Variants in MYO5C observed in about 807,000 individuals in gnomAD.
MYO5C encodes the protein myosin VC, also known as unconventional myosin-Vc.
In MYO5C, 194 loss-of-function variants were observed where a neutral mutation model predicts 235.7. The ratio of observed to expected loss-of-function variants is 0.82; its 90% CI spans 0.73 to 0.93. The LOEUF is 0.93. Among genes scored for constraint, MYO5C ranks in the 40% least tolerant of loss-of-function variants. The pLI, the probability that MYO5C is intolerant of heterozygous loss-of-function variation, is 0.00. For synonymous variants in MYO5C, 707 were observed against 754.8 expected (o/e 0.94, Z 1.04); for missense variants, 2,038 against 2,127.2 (o/e 0.96, Z 0.82).
At chr15:52,242,435 G>A in intron 19 of MYO5C, 1 of 508,038 alleles carries the variant, frequency 2.0e-6, no homozygotes, top group Non-Finnish European at 3.5e-6. Flanking sequence ...TTTTCATTCA[G>A]GCCAGTCGAT....
At chr15:52,242,026 T>C (rs1331850809) in intron 20 of MYO5C, 22 bp downstream of exon 20, 2 of 1,596,200 alleles carry the variant, frequency 1.3e-6, no homozygotes, top group Non-Finnish European at 8.5e-7. Context: ...CCTCCCTTCC[T>C]CTAGACAGAG....
chr15:52,284,693 T>C (rs1258123003), intron 1 of MYO5C, among the ~76,000 whole-genome samples: 2 of 152,154 alleles, frequency 1.3e-5, no homozygotes, highest in Non-Finnish European at 1.5e-5. Flanking sequence ...TACTCAAAGA[T>C]GCTTCAAAAA....
In MYO5C at chr15:52,269,850, T is replaced by C. The variant is rs2036883209; in HGVS notation, c.843A>G (p.Glu281=). ...CTCCCATTCTTGTATAATTAAATTC[T>C]TCGGCACTCCCTGAAATCAAAAAGT... is the stretch of plus-strand genomic sequence containing the variant. The part of the protein sequence containing the change: ...EFKHLKLGSA[E]EFNYTRMGGN... Residue 281 remains glutamate, a synonymous_variant, in exon 8 of 41, where the codon GAA becomes GAG. Transcript: ENST00000261839. 1.2e-6 allele frequency: 2 copies of C among 1,610,710 alleles called. No individual in the cohort carries two copies. Among genetic ancestry groups the C allele is most frequent in the African/African-American group, 1.3e-5 (1 of 74,828 alleles).
At chr15:52,250,399 C>G (rs531362640) in intron 13 of MYO5C, among the ~76,000 whole-genome samples, 1 of 151,872 alleles carries the variant, frequency 6.6e-6, no homozygotes, top group Non-Finnish European at 1.5e-5. Context: ...CGTGCCACCA[C>G]GCCTGGCTTA....
At chr15:52,295,393 G>A (rs999244798) in intron 1 of MYO5C, among the ~76,000 whole-genome samples, 9 of 152,172 alleles carry the variant, frequency 5.9e-5, no homozygotes, top group Admixed American at 5.9e-4. Context: ...CGCGGGCAGG[G>A]ACGGAGCACG....
At chr15:52,246,692 G>T (rs1028162648) in intron 16 of MYO5C, among the ~76,000 whole-genome samples, 7 of 152,138 alleles carry the variant, frequency 4.6e-5, no homozygotes, top group Admixed American at 3.3e-4. Flanking sequence ...AACTTTAGTT[G>T]TAGAAGATTC....
chr15:52,248,836 C>G (rs1370335068), intron 13 of MYO5C, 53 bp from the exon 14 acceptor site: 38 of 1,208,018 alleles, frequency 3.1e-5, no homozygotes, highest in Non-Finnish European at 4.6e-5. Context: ...AATATAGCCT[C>G]TAAGCACAAG....
chr15:52,238,675 T>C (rs1220226411), intron 21 of MYO5C, among the ~76,000 whole-genome samples: 4 of 152,216 alleles, frequency 2.6e-5, no homozygotes, highest in African/African-American at 4.8e-5. Context: ...AGTCTCGTTC[T>C]CTGTTGCCCA....
At chr15:52,241,173 C>A (rs919918513) in intron 20 of MYO5C, among the ~76,000 whole-genome samples, 1 of 148,968 alleles carries the variant, frequency 6.7e-6, no homozygotes, top group Admixed American at 6.7e-5. Context: ...GAATTCGTTT[C>A]TTTGGAGTTG....
intron 4 of MYO5C, chr15:52,276,997 C>T: frequency 2.4e-6 from 1 of 423,238 alleles, no homozygotes; most frequent in Middle Eastern, 3.7e-4. Context: ...GGTGGAGTGA[C>T]TTGACCCAGA....
chr15:52,238,326 A>G (rs530593646), intron 21 of MYO5C, among the ~76,000 whole-genome samples: 27 of 152,296 alleles, frequency 1.8e-4, no homozygotes, highest in Non-Finnish European at 3.1e-4. Context: ...TGGGACTCCC[A>G]CCAGGCATTG....
At chr15:52,200,572 A>T (rs920392474) in intron 38 of MYO5C, among the ~76,000 whole-genome samples, 3 of 146,700 alleles carry the variant, frequency 2.0e-5, no homozygotes, top group South Asian at 2.2e-4. Flanking sequence ...ATAATAATAA[A>T]AACATAAACT....
At chr15:52,199,931 AAT>A (rs1454981359) in intron 38 of MYO5C, among the ~76,000 whole-genome samples, 6 of 152,196 alleles carry the variant, frequency 3.9e-5, no homozygotes, top group Admixed American at 1.3e-4. Flanking sequence ...GGCAGAAAGT[AAT>A]AGGAATGCCA....
rs750172072 is a variant in MYO5C at position 52,256,635 on chromosome 15, C to T, written c.1395+4G>A. On this transcript the variant is annotated splice_donor_region_variant and intron_variant, in intron 11 of 40. Transcript: ENST00000261839. The stretch of plus-strand genomic sequence containing the variant: ...CTAGTCAAGAAGGCAGAAAGGTCAC[C>T]TACCATGTTAAACTGTTGTTGCAGT... The T allele has an allele frequency of 6.3e-7, 1 of 1,576,070 alleles. No individual in the cohort carries two copies. The highest frequency in any genetic ancestry group is 8.7e-7 in the Non-Finnish European group (1 of 1,151,926).
intron 8 of MYO5C, among the ~76,000 whole-genome samples, chr15:52,267,563 G>A (rs7182467): frequency 0.037 from 5,702 of 152,268 alleles, 373 homozygotes; most frequent in African/African-American, 0.13. Flanking sequence ...GCATGTGCCT[G>A]TAATCCCAGC....
At chr15:52,238,718 T>G (rs945559976) in intron 21 of MYO5C, among the ~76,000 whole-genome samples, 1 of 152,114 alleles carries the variant, frequency 6.6e-6, no homozygotes, top group Non-Finnish European at 1.5e-5. Context: ...CTCGGCTCAC[T>G]GCAAGCTCCG....
Position 52,256,672 on chromosome 15 carries a change from G to C in MYO5C, c.1362C>G (p.Tyr454Ter). 6.2e-7 allele frequency: 1 copy of C among 1,600,156 alleles called. No homozygotes were observed. Among genetic ancestry groups the C allele is most frequent in the Non-Finnish European group, 8.5e-7 (1 of 1,171,610 alleles). The change falls in exon 11 of 41, where the codon TAC becomes TAG. Residue 454 changes from tyrosine to a stop codon, truncating the protein, a stop_gained. Transcript: ENST00000261839. LOFTEE classifies it high-confidence loss of function. ...VNSFEQFCINYANEKLQQQFN... is the reference protein window; with the variant it reads ...VNSFEQFCIN Reference sequence around the variant, plus strand: ...ACTGTTGTTGCAGTTTTTCATTAGCGTAATTGATGCAAAATTGTTCAAAGC... The same window carrying C: ...ACTGTTGTTGCAGTTTTTCATTAGCCTAATTGATGCAAAATTGTTCAAAGC...
At chr15:52,204,266 C>T (rs1435009690) in intron 38 of MYO5C, among the ~76,000 whole-genome samples, 1 of 151,786 alleles carries the variant, frequency 6.6e-6, no homozygotes, top group East Asian at 1.9e-4. Context: ...CCGCTTACTC[C>T]ACATGCAGCC....
intron 2 of MYO5C, among the ~76,000 whole-genome samples, 182 bp from the exon 3 acceptor site, chr15:52,279,856 C>G (rs75976000): frequency 0.054 from 8,262 of 152,158 alleles, 458 homozygotes; most frequent in African/African-American, 0.14. Flanking sequence ...AAAGTAGGAG[C>G]AGGGGACTAG....
Sources: gnomAD v4.1 joint callset for allele counts (sites outside exome capture counted in the v4.1 genomes callset) on GRCh38, gnomAD v4.1.1 for gene constraint, MANE v1.5 for transcripts, NCBI Gene and HGNC (gene_info 2026-07-23, HGNC 2026-07-21) for gene names.